Variants in AMOTL1 observed in about 807,000 individuals in gnomAD.
The protein encoded by AMOTL1 is angiomotin-like protein 1.
A neutral mutation model predicts 102.9 loss-of-function variants in AMOTL1; 45 were observed. The observed-to-expected ratio is 0.44, with a 90% CI of 0.34 to 0.56. AMOTL1 has a LOEUF of 0.56. AMOTL1 is among the 20% of genes least tolerant of loss of function. AMOTL1 has a pLI of 0.01. For missense variants in AMOTL1, 1,114 were observed against 1,225.6 expected, an observed-to-expected ratio of 0.91 and a Z score of 1.36; for synonymous variants, 481 against 484.7, an observed-to-expected ratio of 0.99 and a Z score of 0.10.
intron 1 of AMOTL1, among the ~76,000 whole-genome samples, chr11:94,721,981 A>G (rs1266303216): frequency 6.6e-6 from 1 of 152,084 alleles, no homozygotes; most frequent in East Asian, 1.9e-4. Flanking sequence ...CATTTATCTT[A>G]TTCGGGCTCT....
At chr11:94,796,725 T>G (rs960680669) in intron 2 of AMOTL1, among the ~76,000 whole-genome samples, 1 of 152,174 alleles carries the variant, frequency 6.6e-6, no homozygotes, top group African/African-American at 2.4e-5. Context: ...AGTTACAGTA[T>G]TTTGCTATTG....
At chr11:94,831,995 T>C (rs984603353) in intron 6 of AMOTL1, among the ~76,000 whole-genome samples, 1 of 152,242 alleles carries the variant, frequency 6.6e-6, no homozygotes, top group Non-Finnish European at 1.5e-5. Flanking sequence ...TCGCATTATA[T>C]ATCTCCATGT....
chr11:94,732,201 T>C (rs1950365316), intron 2 of AMOTL1, among the ~76,000 whole-genome samples: 1 of 152,152 alleles, frequency 6.6e-6, no homozygotes, highest in Non-Finnish European at 1.5e-5. Context: ...GTCCAAACCT[T>C]GGGGTTTTGT....
Position 94,821,695 on chromosome 11 carries a change from G to A in AMOTL1, c.1287G>A (p.Gln429=). 1 of 1,614,036 alleles carries A rather than the reference G, an allele frequency of 6.2e-7. No homozygotes were observed. The highest frequency in any genetic ancestry group is 8.5e-7 in the Non-Finnish European group (1 of 1,179,906). ...QPPPAASPSQ[Q]LGPDAFAIVE... ...CGCCTGCCGCCTCCCCCAGCCAGCA[G>A]CTTGGTCCAGATGCCTTTGCGATTG... The change falls in exon 4 of 13, where the codon CAG becomes CAA. Residue 429 remains glutamine, a synonymous_variant. Transcript: ENST00000433060.
At chr11:94,809,094 C>A (rs1951623349) in intron 3 of AMOTL1, among the ~76,000 whole-genome samples, 1 of 151,582 alleles carries the variant, frequency 6.6e-6, no homozygotes, top group Non-Finnish European at 1.5e-5. Flanking sequence ...CCTCAGCCTC[C>A]CAAGTAGCTG....
At chr11:94,792,767 G>T (rs373728528) in intron 1 of AMOTL1, among the ~76,000 whole-genome samples, 5 of 152,128 alleles carry the variant, frequency 3.3e-5, no homozygotes, top group African/African-American at 1.2e-4. Flanking sequence ...TGTGTGTGGG[G>T]GTGTGTGAAA....
At chr11:94,848,482 A>G (rs757532795) in intron 6 of AMOTL1, among the ~76,000 whole-genome samples, 6 of 152,160 alleles carry the variant, frequency 3.9e-5, no homozygotes, top group African/African-American at 9.7e-5. Flanking sequence ...CCTTCAGTCT[A>G]TCGATTCAGA....
At chr11:94,712,337 C>A (rs1204810443) in intron 1 of AMOTL1, among the ~76,000 whole-genome samples, 3 of 152,018 alleles carry the variant, frequency 2.0e-5, no homozygotes, top group Non-Finnish European at 4.4e-5. Flanking sequence ...TTACCATATA[C>A]AAACATTCAC....
intron 1 of AMOTL1, among the ~76,000 whole-genome samples, chr11:94,772,022 T>A (rs752110207): frequency 3.3e-5 from 5 of 152,248 alleles, no homozygotes; most frequent in African/African-American, 9.6e-5. Flanking sequence ...AAATGTCTGC[T>A]GTTTACTTTT....
intron 1 of AMOTL1, among the ~76,000 whole-genome samples, chr11:94,787,067 C>T (rs1000175563): frequency 6.6e-6 from 1 of 151,602 alleles, no homozygotes; most frequent in African/African-American, 2.4e-5. Flanking sequence ...GGGAAAGAAA[C>T]TAAATACACA....
At chr11:94,729,919 A>G (rs1950319886) in intron 2 of AMOTL1, among the ~76,000 whole-genome samples, 1 of 152,196 alleles carries the variant, frequency 6.6e-6, no homozygotes, top group African/African-American at 2.4e-5. Context: ...AAAACAGGGT[A>G]ACTTATATGG....
chr11:94,789,144 T>C (rs147620626), intron 1 of AMOTL1, among the ~76,000 whole-genome samples: 3 of 152,178 alleles, frequency 2.0e-5, no homozygotes, highest in South Asian at 2.1e-4. Flanking sequence ...GCTTACTGTT[T>C]CCTTTTTATT....
At chr11:94,811,304 C>A (rs1439025031) in intron 3 of AMOTL1, among the ~76,000 whole-genome samples, 4 of 152,030 alleles carry the variant, frequency 2.6e-5, no homozygotes, top group Non-Finnish European at 5.9e-5. Context: ...ACCACCCTGG[C>A]TAACATGGTG....
chr11:94,790,781 A>T (rs929519919), intron 1 of AMOTL1, among the ~76,000 whole-genome samples: 1 of 152,180 alleles, frequency 6.6e-6, no homozygotes, highest in African/African-American at 2.4e-5. Flanking sequence ...CACGTCCTCC[A>T]GGGTTTAAAC....
At chr11:94,850,856 G>C (rs1952522206) in intron 7 of AMOTL1, among the ~76,000 whole-genome samples, 1 of 152,182 alleles carries the variant, frequency 6.6e-6, no homozygotes, top group Admixed American at 6.5e-5. Context: ...TCTTAACTGA[G>C]AAAGTCTGCC....
intron 1 of AMOTL1, among the ~76,000 whole-genome samples, chr11:94,778,233 G>T (rs1951052855): frequency 6.6e-6 from 1 of 152,138 alleles, no homozygotes; most frequent in South Asian, 2.1e-4. Context: ...AGGGCAAAGA[G>T]GCAACCAAAG....
chr11:94,836,454 G>C (rs147036707), intron 6 of AMOTL1, among the ~76,000 whole-genome samples: 1 of 152,110 alleles, frequency 6.6e-6, no homozygotes, highest in Non-Finnish European at 1.5e-5. Flanking sequence ...AACTATAGAC[G>C]TTCTTCACCA....
chr11:94,751,264 A>G lies in AMOTL1; in HGVS notation c.136+10276A>G, dbSNP rs1165534840. ...TTTTTTAGACCACCAAATAATGATC[A>G]ATATTATCTGAATATTGATCTGAAA... On this transcript the variant is annotated intron_variant, in intron 3 of 4. Coordinates refer to the AMOTL1 transcript ENST00000299004. Among the ~76,000 whole-genome samples, 4 of 152,110 alleles carry G rather than the reference A, an allele frequency of 2.6e-5. No homozygotes were observed. In the East Asian group the frequency reaches 7.7e-4, roughly 29 times the overall value.
chr11:94,831,290 T>C (rs1330659109), intron 5 of AMOTL1, among the ~76,000 whole-genome samples, 162 bp from the exon 6 acceptor site: 4 of 152,364 alleles, frequency 2.6e-5, no homozygotes, highest in Non-Finnish European at 2.9e-5. Context: ...TTTCTTTTGA[T>C]ATTTTGGGAC....
Sources: allele counts gnomAD v4.1 joint callset (sites outside exome capture counted in the v4.1 genomes callset), GRCh38; gene constraint gnomAD v4.1.1; transcripts MANE v1.5; gene names NCBI Gene and HGNC (gene_info 2026-07-23, HGNC 2026-07-21).